LRP6: variants seen among roughly 807,000 people sequenced by gnomAD.
The protein encoded by LRP6 is low-density lipoprotein receptor-related protein 6.
In LRP6, 43 loss-of-function variants were observed where a neutral mutation model predicts 184.1. That is an observed-to-expected ratio of 0.23 (90% CI 0.18 to 0.30). The LOEUF is 0.30. Ranked by LOEUF, LRP6 falls within the 10% of genes least tolerant of loss-of-function variation. The probability of loss-of-function intolerance (pLI) is 1.00; values close to 1 mark genes in which losing one functional copy is unlikely to be tolerated. For missense variants in LRP6, 1,571 were observed against 2,005.3 expected, an observed-to-expected ratio of 0.78 and a Z score of 4.14; for synonymous variants, 719 against 684.9, an observed-to-expected ratio of 1.05 and a Z score of -0.78.
intron 2 of LRP6, among the ~76,000 whole-genome samples, chr12:12,213,765 G>A (rs1565658696): frequency 6.6e-6 from 1 of 151,166 alleles, no homozygotes; most frequent in Non-Finnish European, 1.5e-5. Context: ...CTTTTATCAC[G>A]TTACAAATTG....
chr12:12,187,217 C>A, intron 3 of LRP6, 98 bp from the exon 4 acceptor site: 1 of 983,206 alleles, frequency 1.0e-6, no homozygotes, highest in South Asian at 1.4e-5. Context: ...TTCACATTAA[C>A]ACATACAAAT....
In LRP6 at chr12:12,126,920, A is replaced by C; in HGVS notation, c.4083T>G (p.Tyr1361Ter). 6.2e-7 allele frequency: 1 copy of C among 1,610,802 alleles called. No homozygotes were observed. The highest frequency in any genetic ancestry group is 1.1e-5 in the South Asian group (1 of 91,014). Residue 1361 changes from tyrosine (Y) to a stop codon, truncating the protein, a stop_gained and splice_region_variant, in exon 20 of 23, where the codon TAT (tyrosine) becomes TAG (stop). Transcript: ENST00000261349. LOFTEE classifies it high-confidence loss of function. ...CSDKSDELDCYPTEEPAPQAT... is the reference protein window; with the variant it reads ...CSDKSDELDC ...CCTGTGGTGCTGGTTCTTCAGTCGG[A>C]TCTACAATGAAGAATGCAGTATGGT...
intron 2 of LRP6, among the ~76,000 whole-genome samples, chr12:12,219,433 G>C (rs1310450471): frequency 6.6e-6 from 1 of 152,106 alleles, no homozygotes. Flanking sequence ...TCGGTCTCTT[G>C]ACCTTGTGAT....
At position 12,152,569 on chromosome 12, in the gene LRP6, G is replaced by C. The variant is rs554399073; in HGVS notation, c.2792-1531C>G. On this transcript the variant is annotated intron_variant, in intron 12 of 22. Transcript: ENST00000261349. ...CAAAGTGCTGGGTTTGCAGATGTGAGCCACCATGCCTGGCCAAGAATGACT... is the reference window on the plus strand; with the variant it reads ...CAAAGTGCTGGGTTTGCAGATGTGACCCACCATGCCTGGCCAAGAATGACT... Among the ~76,000 whole-genome samples the C allele has an allele frequency of 3.3e-4, 51 of 152,274 alleles. 1 individual carries two copies. The highest frequency in any genetic ancestry group is 1.2e-3 in the African/African-American group (50 of 41,562).
At chr12:12,163,585 C>A (rs751910553) in intron 9 of LRP6, among the ~76,000 whole-genome samples, 18 of 152,122 alleles carry the variant, frequency 1.2e-4, no homozygotes, top group Non-Finnish European at 2.6e-4. Flanking sequence ...CATTGTTGGC[C>A]TTTTCCGCCT....
chr12:12,161,885 A>G (rs1263585916), intron 10 of LRP6, among the ~76,000 whole-genome samples: 1 of 152,160 alleles, frequency 6.6e-6, no homozygotes, highest in Non-Finnish European at 1.5e-5. Flanking sequence ...AAGGAGTGCA[A>G]GCAACTACAG....
intron 3 of LRP6, among the ~76,000 whole-genome samples, chr12:12,191,805 G>A (rs1239367283): frequency 6.6e-6 from 1 of 151,140 alleles, no homozygotes; most frequent in Non-Finnish European, 1.5e-5. Flanking sequence ...TACGAAATAA[G>A]AATGAATAAA....
chr12:12,181,321 T>C lies in LRP6; in HGVS notation c.1095A>G (p.Ile365Met). ...QLEDIRHAIA[I>M]DYDPVEGYIY... ...TGTAGCCTTCCACAGGATCGTAATCTATGGCAATGGCATGACGGATGTCTT... is the reference window on the plus strand; with the variant it reads ...TGTAGCCTTCCACAGGATCGTAATCCATGGCAATGGCATGACGGATGTCTT... The change falls in exon 6 of 23, where the codon ATA becomes ATG. Residue 365 changes from isoleucine (I) to methionine (M), a missense_variant. This residue lies in a region of LRP6 where 640 missense variants were observed against 851.9 expected (regional missense o/e 0.75). Transcript: ENST00000261349. 6.2e-7 allele frequency: 1 copy of C among 1,614,148 alleles called. No homozygotes were observed. The highest frequency in any genetic ancestry group is 8.5e-7 in the Non-Finnish European group (1 of 1,179,994).
chr12:12,186,554 T>A (rs368529221), intron 4 of LRP6, among the ~76,000 whole-genome samples: 4 of 151,610 alleles, frequency 2.6e-5, no homozygotes, highest in East Asian at 3.9e-4. Context: ...AATTTTTGTA[T>A]TTTTTAGTAG....
At chr12:12,192,948 G>A (rs1863654762) in intron 3 of LRP6, among the ~76,000 whole-genome samples, 1 of 151,980 alleles carries the variant, frequency 6.6e-6, no homozygotes, top group Non-Finnish European at 1.5e-5. Flanking sequence ...CGTACACGTG[G>A]AACTTTCTCC....
At chr12:12,179,733 C>T in intron 7 of LRP6, 77 bp downstream of exon 7, 7 of 1,484,244 alleles carry the variant, frequency 4.7e-6, no homozygotes, top group Non-Finnish European at 4.7e-6. Flanking sequence ...AAAAGAATAT[C>T]TGTACTCAAA....
chr12:12,210,478 T>C (rs1230129672), intron 2 of LRP6, among the ~76,000 whole-genome samples: 1 of 152,076 alleles, frequency 6.6e-6, no homozygotes, highest in East Asian at 1.9e-4. Context: ...AAAATCAGTG[T>C]AAAAATAAGT....
At chr12:12,233,709 A>G (rs959116866) in intron 2 of LRP6, among the ~76,000 whole-genome samples, 1 of 152,234 alleles carries the variant, frequency 6.6e-6, no homozygotes, top group African/African-American at 2.4e-5. Flanking sequence ...GAACAGACTA[A>G]TTTATAACAT....
At chr12:12,228,596 G>A (rs774437986) in intron 2 of LRP6, among the ~76,000 whole-genome samples, 7 of 152,188 alleles carry the variant, frequency 4.6e-5, no homozygotes, top group African/African-American at 7.2e-5. Context: ...TGAGCAGCAG[G>A]CAAGCGAGCA....
At chr12:12,150,428 T>G (rs1474481125) in intron 13 of LRP6, among the ~76,000 whole-genome samples, 4 of 152,154 alleles carry the variant, frequency 2.6e-5, no homozygotes, top group African/African-American at 4.8e-5. Context: ...ACATAACACA[T>G]AAGAGCTATG....
At chr12:12,149,204 C>T (rs1273753307) in intron 13 of LRP6, 51 bp from the exon 14 acceptor site, 2 of 1,440,562 alleles carry the variant, frequency 1.4e-6, no homozygotes, top group Non-Finnish European at 2.0e-6. Flanking sequence ...GGCAGATAAC[C>T]CTGAGGCAAT....
At chr12:12,223,916 C>T (rs970787857) in intron 2 of LRP6, among the ~76,000 whole-genome samples, 3 of 152,154 alleles carry the variant, frequency 2.0e-5, no homozygotes, top group Non-Finnish European at 2.9e-5. Flanking sequence ...GTATACATTA[C>T]TAGAGGTATC....
chr12:12,140,344 A>C (rs1949911240), intron 15 of LRP6, among the ~76,000 whole-genome samples: 1 of 152,144 alleles, frequency 6.6e-6, no homozygotes, highest in South Asian at 2.1e-4. Flanking sequence ...CAAATTTGAG[A>C]AGCTCTCCTC....
intron 2 of LRP6, chr12:12,226,784 A>G (rs892006920): frequency 1.2e-4 from 18 of 152,220 alleles, no homozygotes; most frequent in African/African-American, 4.3e-4. Flanking sequence ...TTTATAATAT[A>G]TATTTTTAAA....
Sources: allele counts gnomAD v4.1 joint callset (sites outside exome capture counted in the v4.1 genomes callset), GRCh38; gene constraint gnomAD v4.1.1; regional missense constraint gnomAD v4.1.1; transcripts MANE v1.5; gene names NCBI Gene and HGNC (gene_info 2026-07-23, HGNC 2026-07-21).